EPB41L1: variants seen among roughly 807,000 people sequenced by gnomAD.
EPB41L1 encodes band 4.1-like protein 1.
In EPB41L1, 29 loss-of-function variants were observed where a neutral mutation model predicts 97.8. The observed-to-expected ratio is 0.30, with a 90% CI of 0.22 to 0.40. The LOEUF (loss-of-function observed/expected upper bound fraction) is 0.40. Ranked by LOEUF, EPB41L1 falls within the 10% of genes least tolerant of loss-of-function variation. The pLI is 1.00. For missense variants in EPB41L1, 812 were observed against 1,162.3 expected (o/e 0.70, Z 4.38); for synonymous variants, 383 against 459.2 (o/e 0.83, Z 2.12).
chr20:36,163,495 C>T (rs2060615423), intron 1 of EPB41L1, among the ~76,000 whole-genome samples: 1 of 152,188 alleles, frequency 6.6e-6, no homozygotes, highest in Admixed American at 6.5e-5. Flanking sequence ...CTTATTCTGC[C>T]TCTTCTCAGG....
intron 1 of EPB41L1, among the ~76,000 whole-genome samples, chr20:36,161,938 G>A (rs369653923): frequency 2.6e-5 from 4 of 152,032 alleles, no homozygotes; most frequent in Non-Finnish European, 5.9e-5. Context: ...TTTGGGGGGG[G>A]CACAGGGTAA....
intron 21 of EPB41L1, among the ~76,000 whole-genome samples, chr20:36,227,623 C>T (rs549638696): frequency 6.6e-6 from 1 of 152,142 alleles, no homozygotes; most frequent in Admixed American, 6.5e-5. Context: ...TCGTAATTCT[C>T]CACCACCAGC....
chr20:36,225,949 G>A (rs1392342952), intron 21 of EPB41L1, among the ~76,000 whole-genome samples: 2 of 151,998 alleles, frequency 1.3e-5, no homozygotes, highest in African/African-American at 2.4e-5. Flanking sequence ...ATTGCCCCAC[G>A]CACCACCATG....
intron 2 of EPB41L1, among the ~76,000 whole-genome samples, chr20:36,134,260 T>A (rs1362752492): frequency 6.6e-6 from 1 of 152,172 alleles, no homozygotes; most frequent in Non-Finnish European, 1.5e-5. Context: ...GAAATAGCGA[T>A]GGTGAAATAA....
chr20:36,194,884 C>T (rs2062119527), intron 12 of EPB41L1, among the ~76,000 whole-genome samples: 1 of 152,192 alleles, frequency 6.6e-6, no homozygotes, highest in Non-Finnish European at 1.5e-5. Context: ...ATGCACCCGT[C>T]ACCCTTAGAT....
intron 5 of EPB41L1, among the ~76,000 whole-genome samples, chr20:36,180,056 T>G (rs79465671): frequency 0.06 from 9,124 of 152,230 alleles, 363 homozygotes; most frequent in African/African-American, 0.12. Context: ...TCAGCATCCC[T>G]CCCAGAGGTG....
At chr20:36,173,708 G>T (rs763401527) in intron 1 of EPB41L1, 56 bp from the exon 2 acceptor site, 83 of 1,530,180 alleles carry the variant, frequency 5.4e-5, no homozygotes, top group Non-Finnish European at 7.5e-5. Flanking sequence ...TGCCCCTCTC[G>T]CTGTCATACC....
chr20:36,160,689 G>A (rs1246702428), intron 1 of EPB41L1, among the ~76,000 whole-genome samples: 1 of 152,100 alleles, frequency 6.6e-6, no homozygotes, highest in Non-Finnish European at 1.5e-5. Context: ...AGCATGTTGT[G>A]TATCCTTCCA....
At chr20:36,109,101 G>A (rs928056489) in intron 1 of EPB41L1, among the ~76,000 whole-genome samples, 1 of 152,034 alleles carries the variant, frequency 6.6e-6, no homozygotes, top group Non-Finnish European at 1.5e-5. Flanking sequence ...CTGCCACCAC[G>A]CCCGGCTAAT....
chr20:36,206,139 C>A lies in EPB41L1; in HGVS notation c.1669-3349C>A. The A allele has an allele frequency of 7.8e-7, 1 of 1,289,904 alleles. No individual in the cohort carries two copies. The highest frequency in any genetic ancestry group is 1.0e-6 in the Non-Finnish European group (1 of 988,906). 79.9% of individuals were successfully genotyped at this position (1,289,904 alleles called of 1,614,324 possible). A position where few individuals can be genotyped will look rare whatever the true frequency, so the allele number is the denominator to read the frequency against. ...AGGAAGGCCCCTGGATCAGGGAAAGCCCAGGAGGGGCTGCCCTGGCTTCCG... is the reference window on the plus strand; with the variant it reads ...AGGAAGGCCCCTGGATCAGGGAAAGACCAGGAGGGGCTGCCCTGGCTTCCG... On this transcript the variant is annotated intron_variant, in intron 14 of 21. Transcript: ENST00000338074. This position sits in a 1 kb window ranked among gnomAD's most constrained non-coding sequence, Gnocchi z 5.5.
At chr20:36,183,170 C>T (rs916957708) in intron 6 of EPB41L1, among the ~76,000 whole-genome samples, 1 of 152,180 alleles carries the variant, frequency 6.6e-6, no homozygotes, top group Non-Finnish European at 1.5e-5. Flanking sequence ...TCATGATATC[C>T]TGGGGCTGTG....
chr20:36,126,694 G>A (rs930040179), intron 2 of EPB41L1, among the ~76,000 whole-genome samples: 8 of 152,156 alleles, frequency 5.3e-5, no homozygotes, highest in South Asian at 2.1e-4. Context: ...TTTATTCCAC[G>A]GCTCTGGACC....
intron 1 of EPB41L1, among the ~76,000 whole-genome samples, chr20:36,100,219 T>TC (rs900244140): frequency 6.6e-6 from 1 of 152,160 alleles, no homozygotes; most frequent in Non-Finnish European, 1.5e-5. Flanking sequence ...CATCTTCCTT[T>TC]CCCCCCACAC....
chr20:36,173,413 C>G (rs1365435047), intron 1 of EPB41L1, among the ~76,000 whole-genome samples: 5 of 152,208 alleles, frequency 3.3e-5, no homozygotes, highest in Non-Finnish European at 5.9e-5. Context: ...GGAGAGACAG[C>G]CTGGCTTGGA....
rs2064415791 is a variant in EPB41L1, at chr20:36,229,972, A to G, written c.*632A>G. The stretch of plus-strand genomic sequence containing the variant: ...GGATTCTTACTTTCTGGATCTTGAC[A>G]CTGGGCTGCAAAACCTACCTTCCTC... On this transcript the variant is annotated 3_prime_UTR_variant, in exon 22 of 22. Coordinates refer to ENST00000338074, the MANE Select transcript of EPB41L1 (RefSeq NM_012156.2). 6.6e-6 allele frequency: 1 copy of G among 152,558 alleles called. No individual in the cohort carries two copies. The allele number at this position is 152,558 out of a possible 1,614,324, so 9.5% of individuals were successfully genotyped here.
intron 2 of EPB41L1, among the ~76,000 whole-genome samples, chr20:36,142,304 T>TAA (rs2059671099): frequency 6.6e-6 from 1 of 152,194 alleles, no homozygotes; most frequent in Non-Finnish European, 1.5e-5. Flanking sequence ...ATCACTATTT[T>TAA]TATAACGTAG....
At chr20:36,133,727 C>T (rs935079395) in intron 2 of EPB41L1, among the ~76,000 whole-genome samples, 5 of 152,074 alleles carry the variant, frequency 3.3e-5, no homozygotes, top group East Asian at 3.9e-4. Context: ...TGGTGGCATG[C>T]GCCTCTGTGG....
chr20:36,189,211 C>G (rs554428554), intron 9 of EPB41L1, among the ~76,000 whole-genome samples: 21 of 152,286 alleles, frequency 1.4e-4, no homozygotes, highest in African/African-American at 5.1e-4. Context: ...TTTGCCTGTG[C>G]CTATGAGGGC....
At chr20:36,145,808 A>G (rs1031533597) in intron 2 of EPB41L1, among the ~76,000 whole-genome samples, 1 of 152,170 alleles carries the variant, frequency 6.6e-6, no homozygotes, top group African/African-American at 2.4e-5. Flanking sequence ...ACATTTGGCC[A>G]GTTGCTAGAC....
Sources: gnomAD v4.1 joint callset for allele counts (sites outside exome capture counted in the v4.1 genomes callset) on GRCh38, gnomAD v4.1.1 for gene constraint, Gnocchi (gnomAD v3.1) non-coding constraint, MANE v1.5 for transcripts, NCBI Gene and HGNC (gene_info 2026-07-23, HGNC 2026-07-21) for gene names.